EPB41L2: variants seen among roughly 807,000 people sequenced by gnomAD.
The protein encoded by EPB41L2 is band 4.1-like protein 2.
Under a neutral mutation model 113.0 loss-of-function variants are expected in EPB41L2, and 43 were observed. The ratio of observed to expected loss-of-function variants is 0.38; its 90% confidence interval spans 0.30 to 0.49. The LOEUF (loss-of-function observed/expected upper bound fraction) is 0.49. Ranked by LOEUF, EPB41L2 falls within the 20% of genes least tolerant of loss-of-function variation. The pLI is 0.95. For missense variants in EPB41L2, 1,147 were observed against 1,223.4 expected, an observed-to-expected ratio of 0.94 and a Z score of 0.93; for synonymous variants, 442 against 436.7, an observed-to-expected ratio of 1.01 and a Z score of -0.15.
In EPB41L2 at chr6:130,885,170, C is replaced by A; in HGVS notation, c.1759G>T (p.Val587Leu). Residue 587 changes from valine to leucine, a missense_variant, in exon 12 of 20, where the codon GTA becomes TTA. Coordinates refer to ENST00000337057, the MANE Select transcript of EPB41L2 (RefSeq NM_001431.4). ...YGPGLVSIAV[V>L]QDGDGRREVR... ...TCCCTCCTGCCGTCCCCATCTTGTA[C>A]CACGGCAATGCTGACAAGTCCAGGT... The A allele has an allele frequency of 1.9e-6, 3 of 1,614,132 alleles. No homozygotes were observed.
intron 1 of EPB41L2, among the ~76,000 whole-genome samples, chr6:131,007,873 C>A (rs1487586043): frequency 1.3e-5 from 2 of 152,180 alleles, no homozygotes; most frequent in Non-Finnish European, 2.9e-5. Flanking sequence ...TGAAAGCATT[C>A]AGTTGTATGT....
intron 1 of EPB41L2, among the ~76,000 whole-genome samples, chr6:131,039,654 T>TA (rs1163697630): frequency 6.6e-6 from 1 of 152,172 alleles, no homozygotes; most frequent in Non-Finnish European, 1.5e-5. Flanking sequence ...TTATTGCCTT[T>TA]AAATAAACAT....
intron 13 of EPB41L2, among the ~76,000 whole-genome samples, chr6:130,879,834 G>C (rs1352273549): frequency 1.3e-5 from 2 of 152,202 alleles, no homozygotes; most frequent in Non-Finnish European, 2.9e-5. Context: ...TGATGCCCTA[G>C]AGTTAACCCT....
intron 1 of EPB41L2, among the ~76,000 whole-genome samples, chr6:131,058,994 C>T (rs368510625): frequency 2.0e-5 from 3 of 152,120 alleles, no homozygotes; most frequent in South Asian, 4.2e-4. Context: ...CCAGCCTGAA[C>T]GACAGAGTGA....
At chr6:130,970,636 T>C (rs1776545601) in intron 1 of EPB41L2, among the ~76,000 whole-genome samples, 1 of 152,224 alleles carries the variant, frequency 6.6e-6, no homozygotes. Context: ...TTAGTTTTCC[T>C]GGTTATGACT....
chr6:130,977,299 T>C (rs1429935099), intron 1 of EPB41L2, among the ~76,000 whole-genome samples: 3 of 152,184 alleles, frequency 2.0e-5, no homozygotes, highest in Non-Finnish European at 4.4e-5. Flanking sequence ...AATGTTCATG[T>C]ACCTCTACCT....
At chr6:130,960,891 G>T (rs902185560) in intron 1 of EPB41L2, among the ~76,000 whole-genome samples, 1 of 152,110 alleles carries the variant, frequency 6.6e-6, no homozygotes, top group Non-Finnish European at 1.5e-5. Context: ...AACTCCATGA[G>T]GGCTGGGATC....
intron 3 of EPB41L2, among the ~76,000 whole-genome samples, chr6:130,951,071 A>C (rs537209596): frequency 6.6e-6 from 1 of 152,138 alleles, no homozygotes; most frequent in East Asian, 1.9e-4. Context: ...AGCCTGGCCA[A>C]TGTGGTGAAA....
intron 6 of EPB41L2, among the ~76,000 whole-genome samples, chr6:130,903,237 C>T (rs1248807781): frequency 6.6e-6 from 1 of 152,104 alleles, no homozygotes; most frequent in Admixed American, 6.6e-5. Context: ...TTCAGAGGCA[C>T]CCCTGCAGTG....
intron 12 of EPB41L2, chr6:130,882,742 G>A (rs1045418585): frequency 6.5e-6 from 1 of 152,848 alleles, no homozygotes; most frequent in Admixed American, 6.5e-5. Flanking sequence ...GCACACCAGC[G>A]GGGAGGAAGG....
In EPB41L2 at chr6:130,849,088, G is replaced by A. The variant is rs139497268; in HGVS notation, c.*6-8490C>T. Among the ~76,000 whole-genome samples the A allele has an allele frequency of 7.6e-4, 115 of 152,272 alleles. 2 individuals carry two copies. The East Asian group carries it at 0.021, about 28-fold the overall frequency. ...GATGGGTAACATATATGCATAAGGAGACTGGGCCCCAAGGGCCTCAACATA... is the reference window on the plus strand; with the variant it reads ...GATGGGTAACATATATGCATAAGGAAACTGGGCCCCAAGGGCCTCAACATA... On this transcript the variant is annotated intron_variant, in intron 19 of 19. Transcript: ENST00000337057.
At chr6:130,938,449 A>G (rs1809650780) in intron 3 of EPB41L2, among the ~76,000 whole-genome samples, 1 of 152,194 alleles carries the variant, frequency 6.6e-6, no homozygotes, top group Admixed American at 6.5e-5. Flanking sequence ...GTGAATCTTT[A>G]AGGTCTTGCT....
intron 1 of EPB41L2, among the ~76,000 whole-genome samples, chr6:131,032,713 C>T (rs192313561): frequency 1.3e-5 from 2 of 152,290 alleles, no homozygotes; most frequent in Admixed American, 1.3e-4. Flanking sequence ...AGGATGTATT[C>T]TTATCTACCA....
intron 18 of EPB41L2, among the ~76,000 whole-genome samples, chr6:130,861,388 C>T (rs149203404): frequency 5.1e-4 from 77 of 151,718 alleles, no homozygotes; most frequent in African/African-American, 1.7e-3. Flanking sequence ...TTCCTTTTAA[C>T]GTAGGCAAGG....
At chr6:131,005,241 C>T (rs1272484529) in intron 1 of EPB41L2, among the ~76,000 whole-genome samples, 2 of 151,588 alleles carry the variant, frequency 1.3e-5, no homozygotes, top group Middle Eastern at 3.4e-3. Flanking sequence ...TTATCTACTG[C>T]TGGTGATGTG....
At chr6:131,012,838 C>G (rs1048123166) in intron 1 of EPB41L2, among the ~76,000 whole-genome samples, 1 of 152,166 alleles carries the variant, frequency 6.6e-6, no homozygotes, top group Admixed American at 6.5e-5. Context: ...TTAGTAAAAA[C>G]ATTAAAACCA....
intron 1 of EPB41L2, among the ~76,000 whole-genome samples, chr6:131,020,716 C>T (rs1434114295): frequency 6.6e-6 from 1 of 152,192 alleles, no homozygotes; most frequent in African/African-American, 2.4e-5. Flanking sequence ...TTGCTCAGTT[C>T]ACTGAGGGGG....
At chr6:131,049,646 A>AACCAC (rs988149954) in intron 1 of EPB41L2, among the ~76,000 whole-genome samples, 1 of 152,242 alleles carries the variant, frequency 6.6e-6, no homozygotes, top group African/African-American at 2.4e-5. Context: ...TCTAGCGTAT[A>AACCAC]ACCACTGCCA....
intron 1 of EPB41L2, among the ~76,000 whole-genome samples, chr6:131,056,590 A>C (rs1410376334): frequency 1.3e-5 from 2 of 152,202 alleles, no homozygotes; most frequent in Non-Finnish European, 2.9e-5. Flanking sequence ...CCACTGCAAA[A>C]AATCTGCTTA....
Sources: allele counts gnomAD v4.1 joint callset (sites outside exome capture counted in the v4.1 genomes callset), GRCh38; gene constraint gnomAD v4.1.1; transcripts MANE v1.5; gene names NCBI Gene and HGNC (gene_info 2026-07-23, HGNC 2026-07-21).